EYS: variants seen among roughly 807,000 people sequenced by gnomAD.
EYS encodes EGF-like photoreceptor maintenance factor.
Under a neutral mutation model 282.1 loss-of-function variants are expected in EYS, and 250 were observed. The ratio of observed to expected loss-of-function variants is 0.89; its 90% CI spans 0.80 to 0.98. The LOEUF (loss-of-function observed/expected upper bound fraction) is 0.98. Among genes scored for constraint, EYS ranks in the 50% least tolerant of loss-of-function variants. The probability of loss-of-function intolerance (pLI) is 0.00; values close to 1 mark genes in which losing one functional copy is unlikely to be tolerated. For synonymous variants in EYS, 1,355 were observed against 1,282.9 expected (o/e 1.06, Z -1.20); for missense variants, 4,016 against 3,709.0 (o/e 1.08, Z -2.15).
At chr6:63,995,777 T>C (rs1767807141) in intron 34 of EYS, among the ~76,000 whole-genome samples, 1 of 151,892 alleles carries the variant, frequency 6.6e-6, no homozygotes, top group Admixed American at 6.6e-5. Flanking sequence ...AGTACAATGG[T>C]GATTGCAGAG....
intron 33 of EYS, among the ~76,000 whole-genome samples, chr6:64,028,068 G>C (rs1769621874): frequency 6.6e-6 from 1 of 152,176 alleles, no homozygotes; most frequent in Non-Finnish European, 1.5e-5. Flanking sequence ...TGCCTTTCTT[G>C]TTATGCCTGA....
chr6:64,673,005 A>G (rs948624521), intron 22 of EYS, among the ~76,000 whole-genome samples: 2 of 152,200 alleles, frequency 1.3e-5, no homozygotes, highest in Admixed American at 1.3e-4. Context: ...CAACTTCCGC[A>G]TAACTTCTAT....
rs1768068805 is a variant in EYS at position 65,277,104 on chromosome 6, G to T, written c.2023+18759C>A. On this transcript the variant is annotated intron_variant, in intron 12 of 42. Coordinates refer to ENST00000503581, the MANE Select transcript of EYS (RefSeq NM_001142800.2). ...GGGAGGTAACTATTAGACATAAGAA[G>T]GTGGAGTCCTCACGAATGGGATTGG... is the stretch of plus-strand genomic sequence containing the variant. 1.3e-5 allele frequency among the ~76,000 whole-genome samples: 2 copies of T among 152,098 alleles called. 1 individual carries two copies. Among genetic ancestry groups the T allele is most frequent in the Non-Finnish European group, 2.9e-5 (2 of 68,016 alleles).
intron 4 of EYS, chr6:65,491,289 A>ACG (rs1341137684): frequency 4.2e-6 from 1 of 239,034 alleles, no homozygotes; most frequent in East Asian, 9.8e-5. Context: ...ACACACACAC[A>ACG]CACACACACA....
At chr6:65,574,052 A>C (rs1764572071) in intron 2 of EYS, among the ~76,000 whole-genome samples, 1 of 152,168 alleles carries the variant, frequency 6.6e-6, no homozygotes, top group Admixed American at 6.6e-5. Context: ...CCAACATGGC[A>C]GTGGGAGTCC....
chr6:64,423,812 G>GA lies in EYS; in HGVS notation c.5927+12361dup, dbSNP rs200907955. Among the ~76,000 whole-genome samples, 6 of 151,122 alleles carry GA rather than the reference G, an allele frequency of 4.0e-5. No individual in the cohort carries two copies. In the East Asian group the frequency reaches 5.8e-4, roughly 15 times the overall value. On this transcript the variant is annotated intron_variant, in intron 28 of 42. Coordinates refer to ENST00000503581, the MANE Select transcript of EYS (RefSeq NM_001142800.2). ...GACAGAGCAAGACTCCATCATGGGG[G>GA]AAAAAAAAATTCTTTAGAGTTGCCA...
chr6:64,452,202 T>C (rs35068214), intron 26 of EYS, among the ~76,000 whole-genome samples: 42,069 of 151,856 alleles, frequency 0.28, 5,953 homozygotes, highest in East Asian at 0.46. Flanking sequence ...CAAGCATTCT[T>C]ATACACCAAT....
At chr6:65,123,777 C>A (rs1775639479) in intron 12 of EYS, among the ~76,000 whole-genome samples, 1 of 151,782 alleles carries the variant, frequency 6.6e-6, no homozygotes, top group South Asian at 2.1e-4. Context: ...CACACACACA[C>A]ACACACACAC....
chr6:64,149,087 C>T (rs1415970763), intron 31 of EYS, among the ~76,000 whole-genome samples: 1 of 152,154 alleles, frequency 6.6e-6, no homozygotes. Context: ...TTATCTGTCC[C>T]TGACATAGAT....
intron 33 of EYS, among the ~76,000 whole-genome samples, chr6:64,001,282 A>C (rs188130484): frequency 6.6e-6 from 1 of 152,226 alleles, no homozygotes; most frequent in South Asian, 2.1e-4. Context: ...TCCAAGTTAA[A>C]GCAATTATTT....
intron 12 of EYS, among the ~76,000 whole-genome samples, chr6:65,116,051 C>T (rs1775366091): frequency 6.6e-6 from 1 of 151,856 alleles, no homozygotes; most frequent in Non-Finnish European, 1.5e-5. Context: ...GCTGGCTTGA[C>T]ATCTAAAACA....
chr6:64,967,025 A>G (rs751682104), intron 14 of EYS, among the ~76,000 whole-genome samples: 21 of 152,162 alleles, frequency 1.4e-4, no homozygotes, highest in Non-Finnish European at 4.4e-5. Flanking sequence ...TTCTTAAATT[A>G]TATTCTACTA....
At chr6:65,639,016 G>GA (rs1268630678) in intron 2 of EYS, among the ~76,000 whole-genome samples, 2 of 152,164 alleles carry the variant, frequency 1.3e-5, no homozygotes, top group Admixed American at 6.5e-5. Context: ...CTGCTCTGTA[G>GA]AAAAAAGTTC....
intron 12 of EYS, among the ~76,000 whole-genome samples, chr6:65,199,478 T>G (rs535801379): frequency 6.6e-6 from 1 of 152,288 alleles, no homozygotes; most frequent in Non-Finnish European, 1.5e-5. Context: ...CTCAGTGTAT[T>G]TAAAAATAAA....
intron 33 of EYS, among the ~76,000 whole-genome samples, chr6:64,035,977 T>C (rs550049539): frequency 6.6e-6 from 1 of 152,206 alleles, no homozygotes; most frequent in Non-Finnish European, 1.5e-5. Context: ...CATTAGTTTG[T>C]GTTAGTACTA....
intron 35 of EYS, among the ~76,000 whole-genome samples, chr6:63,923,636 T>C (rs1250230749): frequency 1.3e-5 from 2 of 152,228 alleles, no homozygotes; most frequent in Non-Finnish European, 2.9e-5. Context: ...TACCTGGGTA[T>C]ATTGCGTGAT....
chr6:65,021,288 C>T (rs1178328175), intron 13 of EYS, among the ~76,000 whole-genome samples: 3 of 152,162 alleles, frequency 2.0e-5, no homozygotes, highest in Non-Finnish European at 4.4e-5. Flanking sequence ...GCTAAATATC[C>T]TAAATCATCT....
At chr6:65,152,536 C>G (rs143972235) in intron 12 of EYS, among the ~76,000 whole-genome samples, 160 of 151,966 alleles carry the variant, frequency 1.1e-3, no homozygotes, top group African/African-American at 3.6e-3. Context: ...GGGTGACCAT[C>G]TGCAATCCAA....
chr6:64,384,902 G>A (rs1772861093), intron 29 of EYS, among the ~76,000 whole-genome samples: 1 of 152,194 alleles, frequency 6.6e-6, no homozygotes, highest in South Asian at 2.1e-4. Context: ...TTGGATTAGG[G>A]ACTCTTATCA....
Sources: allele counts gnomAD v4.1 joint callset (sites outside exome capture counted in the v4.1 genomes callset), GRCh38; gene constraint gnomAD v4.1.1; transcripts MANE v1.5; gene names NCBI Gene and HGNC (gene_info 2026-07-23, HGNC 2026-07-21).